MACROD2: variants seen among roughly 807,000 people sequenced by gnomAD.
MACROD2 encodes mono-ADP ribosylhydrolase 2, also known as ADP-ribose glycohydrolase MACROD2.
MACROD2 carries 36 observed loss-of-function variants against 70.4 expected under a neutral mutation model. The ratio of observed to expected loss-of-function variants is 0.51; its 90% CI spans 0.39 to 0.68. MACROD2 has a LOEUF of 0.68. Among genes scored for constraint, MACROD2 ranks in the 30% least tolerant of loss-of-function variants. MACROD2 has a pLI of 0.00. For missense variants in MACROD2, 496 were observed against 538.4 expected, an observed-to-expected ratio of 0.92 and a Z score of 0.78; for synonymous variants, 172 against 178.8, an observed-to-expected ratio of 0.96 and a Z score of 0.30.
intron 3 of MACROD2, among the ~76,000 whole-genome samples, chr20:14,308,440 C>A (rs2082538491): frequency 6.6e-6 from 1 of 152,060 alleles, no homozygotes; most frequent in African/African-American, 2.4e-5. Context: ...TTGATAGATG[C>A]CTTTCTGTGA....
intron 3 of MACROD2, among the ~76,000 whole-genome samples, chr20:14,408,687 G>A (rs1225848225): frequency 6.6e-6 from 1 of 152,082 alleles, no homozygotes; most frequent in Non-Finnish European, 1.5e-5. Context: ...CATCTATATT[G>A]GTTCATTAGC....
chr20:14,557,207 CA>C (rs1979091172), intron 4 of MACROD2, among the ~76,000 whole-genome samples: 1 of 151,824 alleles, frequency 6.6e-6, no homozygotes, highest in Non-Finnish European at 1.5e-5. Flanking sequence ...TTCCTTACAC[CA>C]TATATAAAAA....
chr20:15,517,130 C>T (rs1054424123), intron 8 of MACROD2, among the ~76,000 whole-genome samples: 14 of 152,134 alleles, frequency 9.2e-5, no homozygotes, highest in African/African-American at 3.4e-4. Flanking sequence ...TGCTCAACTA[C>T]TGAAGAGGTC....
At chr20:15,378,283 GAAA>G (rs11087133) in intron 6 of MACROD2, among the ~76,000 whole-genome samples, 3,544 of 87,538 alleles carry the variant, frequency 0.04, 67 homozygotes, top group Middle Eastern at 0.14. Flanking sequence ...CAATAAAATT[GAAA>G]AAAAAAAAAA....
At chr20:14,420,461 TGATA>T (rs919973435) in intron 3 of MACROD2, among the ~76,000 whole-genome samples, 8 of 152,150 alleles carry the variant, frequency 5.3e-5, no homozygotes, top group Non-Finnish European at 1.2e-4. Context: ...TGCATTTCAC[TGATA>T]GATAGTGATG....
At chr20:15,079,112 T>C (rs919807314) in intron 5 of MACROD2, among the ~76,000 whole-genome samples, 1 of 152,194 alleles carries the variant, frequency 6.6e-6, no homozygotes. Context: ...CAGACTATTT[T>C]TCCTTCTCTT....
At chr20:14,587,446 A>G (rs1318343620) in intron 4 of MACROD2, among the ~76,000 whole-genome samples, 1 of 151,808 alleles carries the variant, frequency 6.6e-6, no homozygotes, top group Non-Finnish European at 1.5e-5. Context: ...ATAGCAGCAT[A>G]TCACTAAATA....
Position 14,364,385 on chromosome 20 carries a change from A to G in MACROD2, c.272-129094A>G, listed in dbSNP as rs2083253248. Among the ~76,000 whole-genome samples, 3 of 152,180 alleles carry G rather than the reference A, an allele frequency of 2.0e-5. No individual in the cohort carries two copies. The South Asian group carries it at 6.2e-4, about 32-fold the overall frequency. On this transcript the variant is annotated intron_variant, in intron 3 of 17. Coordinates refer to ENST00000684519, the MANE Select transcript of MACROD2 (RefSeq NM_001351661.2). ...ATCTTACAAAGGTTTAGTTTTGCCT[A>G]TCATTTAATGATTTGTGCGCTTTGT... is the stretch of plus-strand genomic sequence containing the variant.
chr20:14,497,915 C>A (rs1052851361), intron 4 of MACROD2, among the ~76,000 whole-genome samples: 1 of 151,778 alleles, frequency 6.6e-6, no homozygotes, highest in Non-Finnish European at 1.5e-5. Flanking sequence ...GCATGCAAAG[C>A]CATTTGTCCA....
At chr20:15,931,741 A>T (rs2065581267) in intron 10 of MACROD2, among the ~76,000 whole-genome samples, 1 of 151,834 alleles carries the variant, frequency 6.6e-6, no homozygotes, top group Admixed American at 6.6e-5. Context: ...TATTAACTGC[A>T]TTCTTCGCCA....
At chr20:14,073,021 A>T (rs1409107110) in intron 2 of MACROD2, among the ~76,000 whole-genome samples, 1 of 152,082 alleles carries the variant, frequency 6.6e-6, no homozygotes, top group African/African-American at 2.4e-5. Flanking sequence ...TGTCTATGAG[A>T]GGGAAATGTT....
chr20:14,753,796 C>T (rs978834520), intron 5 of MACROD2, among the ~76,000 whole-genome samples: 2 of 152,016 alleles, frequency 1.3e-5, no homozygotes, highest in African/African-American at 4.8e-5. Context: ...CTTTACAATC[C>T]TGCCTTATTC....
intron 8 of MACROD2, among the ~76,000 whole-genome samples, chr20:15,678,417 T>C (rs893246862): frequency 6.6e-6 from 1 of 151,594 alleles, no homozygotes; most frequent in Non-Finnish European, 1.5e-5. Context: ...TGGAGTGCAG[T>C]GGCATGATCT....
chr20:15,076,837 C>T (rs2075661904), intron 5 of MACROD2, among the ~76,000 whole-genome samples: 1 of 151,970 alleles, frequency 6.6e-6, no homozygotes, highest in Non-Finnish European at 1.5e-5. Context: ...CTCCACATAG[C>T]AATGAAGGAA....
At chr20:15,175,202 G>C (rs199297) in intron 5 of MACROD2, among the ~76,000 whole-genome samples, 140,079 of 150,244 alleles carry the variant, frequency 0.93, 65,406 homozygotes, top group African/African-American at 0.97. Flanking sequence ...ACCGCATATT[G>C]TCACTCATAG....
intron 5 of MACROD2, among the ~76,000 whole-genome samples, chr20:14,688,503 T>C (rs2071027867): frequency 6.6e-6 from 1 of 152,194 alleles, no homozygotes; most frequent in African/African-American, 2.4e-5. Flanking sequence ...ATTAAGAATA[T>C]CCAATCATTC....
intron 6 of MACROD2, among the ~76,000 whole-genome samples, chr20:15,384,411 C>G (rs1396745541): frequency 6.6e-6 from 1 of 152,148 alleles, no homozygotes; most frequent in Non-Finnish European, 1.5e-5. Flanking sequence ...CAGGTATGCA[C>G]CACCATCCCT....
At chr20:14,513,375 A>C (rs2085052144) in intron 4 of MACROD2, among the ~76,000 whole-genome samples, 2 of 152,108 alleles carry the variant, frequency 1.3e-5, no homozygotes, top group African/African-American at 2.4e-5. Flanking sequence ...TATAGTAATT[A>C]AATAGTTGTG....
chr20:15,105,874 G>A (rs575310884), intron 5 of MACROD2, among the ~76,000 whole-genome samples: 5 of 152,164 alleles, frequency 3.3e-5, no homozygotes, highest in South Asian at 2.1e-4. Context: ...AAGTTCATGC[G>A]ACGACAATTG....
Sources: allele counts gnomAD v4.1 joint callset (sites outside exome capture counted in the v4.1 genomes callset), GRCh38; gene constraint gnomAD v4.1.1; transcripts MANE v1.5; gene names NCBI Gene and HGNC (gene_info 2026-07-23, HGNC 2026-07-21).